LTF: variants seen among roughly 807,000 people sequenced by gnomAD.
The protein encoded by LTF is lactotransferrin.
LTF carries 91 observed loss-of-function variants against 87.2 expected under a neutral mutation model. That is an observed-to-expected ratio of 1.04 (90% CI 0.88 to 1.24). The LOEUF (loss-of-function observed/expected upper bound fraction) is 1.24. LTF is among the 50% of genes most tolerant of loss of function. LTF has a pLI of 0.00. For missense variants in LTF, 901 were observed against 904.3 expected, an observed-to-expected ratio of 1.00 and a Z score of 0.05; for synonymous variants, 378 against 356.1, an observed-to-expected ratio of 1.06 and a Z score of -0.69.
intron 2 of LTF, among the ~76,000 whole-genome samples, chr3:46,458,614 G>A (rs576806211): frequency 3.6e-4 from 55 of 152,168 alleles, no homozygotes; most frequent in Non-Finnish European, 5.4e-4. Flanking sequence ...CGCTCTTGTC[G>A]CCCAGGCTGG....
intron 2 of LTF, among the ~76,000 whole-genome samples, chr3:46,457,780 G>A (rs1702974132): frequency 6.6e-6 from 1 of 151,836 alleles, no homozygotes; most frequent in African/African-American, 2.4e-5. Context: ...TCCAATTTGG[G>A]TTATTCTTTT....
chr3:46,470,919 C>T (rs1286819282), intron 1 of LTF, among the ~76,000 whole-genome samples: 1 of 152,210 alleles, frequency 6.6e-6, no homozygotes, highest in African/African-American at 2.4e-5. Flanking sequence ...GTGCTCAGTA[C>T]AGACAAGCTG....
At position 46,482,536 on chromosome 3, in the gene LTF, AAGGGAAGGGAAGGG is replaced by A. The variant is rs1559614492; in HGVS notation, c.-320+2436_-320+2449del. ...AAGGGAAGGGAAGGGAAGGGAAGGG[AAGGGAAGGGAAGGG>A]AAGGGAAGGGAAGGGAAGGGAAAGG... On this transcript the variant is annotated intron_variant, in intron 1 of 19. Transcript: ENST00000443496. 2.7e-3 allele frequency among the ~76,000 whole-genome samples: 238 copies of A among 89,734 alleles called. 40 individuals carry two copies. The highest frequency in any genetic ancestry group is 0.025 in the South Asian group (60 of 2,384). 58.9% of individuals were successfully genotyped at this position (89,734 alleles called of 152,430 possible). A position where few individuals can be genotyped will look rare whatever the true frequency, so the allele number is the denominator to read the frequency against.
intron 1 of LTF, among the ~76,000 whole-genome samples, chr3:46,476,905 G>T (rs773413968): frequency 1.3e-5 from 2 of 152,224 alleles, no homozygotes; most frequent in Non-Finnish European, 1.5e-5. Flanking sequence ...CTTTATGTAT[G>T]TGAGTGTACC....
intron 2 of LTF, 119 bp downstream of exon 2, chr3:46,459,537 C>A: frequency 2.0e-6 from 2 of 998,290 alleles, no homozygotes; most frequent in East Asian, 3.0e-5. Context: ...GGACGGCTCC[C>A]CACTTCGTTG....
intron 1 of LTF, chr3:46,463,578 G>A (rs1703139539): frequency 1.0e-6 from 1 of 985,404 alleles, no homozygotes; most frequent in African/African-American, 1.7e-5. Flanking sequence ...TTGACTGCAG[G>A]ATTCAAACTT....
upstream of LTF, among the ~76,000 whole-genome samples, chr3:46,465,764 C>T (rs1703199807): frequency 6.6e-6 from 1 of 152,188 alleles, no homozygotes; most frequent in Non-Finnish European, 1.5e-5. Context: ...CTCGTAAATA[C>T]ATTCCCATGA....
upstream of LTF, chr3:46,465,193 G>A: frequency 9.5e-6 from 4 of 423,060 alleles, no homozygotes; most frequent in South Asian, 1.0e-4. Flanking sequence ...CCCAGCTCTG[G>A]TCTCAGTGCC....
chr3:46,443,458 G>A lies in LTF; in HGVS notation c.1638C>T (p.Gly546=). The A allele has an allele frequency of 6.2e-7, 1 of 1,614,226 alleles. No individual in the cohort carries two copies. Among genetic ancestry groups the A allele is most frequent in the Non-Finnish European group, 8.5e-7 (1 of 1,180,048 alleles). Residue 546 remains glycine (G), a synonymous_variant, in exon 13 of 17, where the codon GGC becomes GGT. Transcript: ENST00000231751. ...AGACTCACCGGAAAGCCCCAGTGTA[G>A]CCGTAGTATCTCTCGTTGCTGTTGG... ...CVPNSNERYY[G]YTGAFRCLAE...
In LTF at chr3:46,440,870, T is replaced by A. The variant is rs928871075; in HGVS notation, c.1723+546A>T. ...AATGGCTGAGGACCAGGAGAGAGAG[T>A]GATTGTTCAAACATTGGCTGGAAGA... is the stretch of plus-strand genomic sequence containing the variant. On this transcript the variant is annotated intron_variant, in intron 14 of 16. Coordinates refer to ENST00000231751, the MANE Select transcript of LTF (RefSeq NM_002343.6). 2.6e-4 allele frequency among the ~76,000 whole-genome samples: 40 copies of A among 151,712 alleles called. 2 individuals are homozygous for A. Among genetic ancestry groups the A allele is most frequent in the Non-Finnish European group, 1.5e-5 (1 of 67,934 alleles).
At chr3:46,441,208 A>AGT (rs913408377) in intron 14 of LTF, among the ~76,000 whole-genome samples, 1 of 151,946 alleles carries the variant, frequency 6.6e-6, no homozygotes, top group African/African-American at 2.4e-5. Context: ...AAAGAGAGAG[A>AGT]GTGTGTGTGT....
At chr3:46,470,749 G>A (rs530257175) in intron 1 of LTF, among the ~76,000 whole-genome samples, 87 of 152,292 alleles carry the variant, frequency 5.7e-4, no homozygotes, top group African/African-American at 1.8e-3. Context: ...GGATTGGCTG[G>A]CTAAGTTTGA....
At position 46,454,343 on chromosome 3, in the gene LTF, GC is replaced by G. The variant is rs745341237; in HGVS notation, c.664del (p.Ala222LeufsTer58). 1 of 1,614,068 alleles carries G rather than the reference GC, an allele frequency of 6.2e-7. No individual in the cohort carries two copies. Among genetic ancestry groups the G allele is most frequent in the Non-Finnish European group, 8.5e-7 (1 of 1,179,972 alleles). ...CTCTCTGATAAAAGCCACGTCTCCA[GC>G]CCCGTCTCTCAGACACCTGTGAAAA... ...SGAFKCLRDG[A>X]GDVAFIREST... On this transcript the variant is annotated frameshift_variant, in exon 6 of 17. Transcript: ENST00000231751. LOFTEE classifies it high-confidence loss of function.
chr3:46,447,256 C>G, intron 10 of LTF, 52 bp downstream of exon 10: 1 of 1,314,958 alleles, frequency 7.6e-7, no homozygotes, highest in Non-Finnish European at 1.1e-6. Context: ...TACTCATAGC[C>G]CCACTCCCAT....
At chr3:46,475,527 C>A (rs934064953) in intron 1 of LTF, among the ~76,000 whole-genome samples, 1 of 132,652 alleles carries the variant, frequency 7.5e-6, no homozygotes, top group African/African-American at 3.9e-5. Flanking sequence ...CACACACACA[C>A]ACACACACAC....
intron 3 of LTF, 140 bp from the exon 4 acceptor site, chr3:46,456,118 G>T: frequency 2.1e-6 from 2 of 960,266 alleles, no homozygotes; most frequent in Non-Finnish European, 3.0e-6. Context: ...TCCTCTCGTG[G>T]GTCAGCGTCA....
rs1559614789 is a variant in LTF, at chr3:46,482,648, GAAAGAAA to G, written c.-320+2331_-320+2337del. The stretch of plus-strand genomic sequence containing the variant: ...AGAAAGAAAGAAAGAAAGAAAGAAA[GAAAGAAA>G]GAAAGAAGGAAGGAAGGAAGGAAGG... On this transcript the variant is annotated intron_variant, in intron 1 of 19. Transcript: ENST00000443496. Among the ~76,000 whole-genome samples, 89 of 100,072 alleles carry G rather than the reference GAAAGAAA, an allele frequency of 8.9e-4. 2 individuals carry two copies. Among genetic ancestry groups the G allele is most frequent in the Non-Finnish European group, 1.1e-3 (54 of 49,398 alleles). 65.7% of individuals were successfully genotyped at this position (100,072 alleles called of 152,430 possible).
chr3:46,455,360 C>T lies in LTF; in HGVS notation c.582G>A (p.Gly194=), dbSNP rs267599844. The stretch of plus-strand genomic sequence containing the variant: ...AGAAGGCACATTTGTTTTCCCCTGT[C>T]CCCGCACACAGGCGACACAGGTTGG... ...QFPNLCRLCA[G]TGENKCAFSS... is the part of the protein sequence containing the mutation. The change falls in exon 5 of 17, where the codon GGG becomes GGA. Residue 194 remains glycine (G), a synonymous_variant. Transcript: ENST00000231751. 1 of 1,614,078 alleles carries T rather than the reference C, an allele frequency of 6.2e-7. No individual in the cohort carries two copies. Among genetic ancestry groups the T allele is most frequent in the East Asian group, 2.2e-5 (1 of 44,886 alleles).
At chr3:46,458,783 C>T (rs1703004948) in intron 2 of LTF, among the ~76,000 whole-genome samples, 1 of 152,192 alleles carries the variant, frequency 6.6e-6, no homozygotes, top group African/African-American at 2.4e-5. Context: ...CCATGTTGGC[C>T]ATCCTGGTTT....
Sources: allele counts gnomAD v4.1 joint callset (sites outside exome capture counted in the v4.1 genomes callset), GRCh38; gene constraint gnomAD v4.1.1; transcripts MANE v1.5; gene names NCBI Gene and HGNC (gene_info 2026-07-23, HGNC 2026-07-21).